ABR: variants seen among roughly 807,000 people sequenced by gnomAD.
ABR encodes ABR activator of RhoGEF and GTPase, also known as active breakpoint cluster region-related protein.
A neutral mutation model predicts 107.2 loss-of-function variants in ABR; 35 were observed. That is an observed-to-expected ratio of 0.33 (90% CI 0.25 to 0.43). ABR has a LOEUF of 0.43. ABR is among the 20% of genes least tolerant of loss of function. The pLI is 1.00. For missense variants in ABR, 815 were observed against 1,115.2 expected, an observed-to-expected ratio of 0.73 and a Z score of 3.83; for synonymous variants, 498 against 462.0, an observed-to-expected ratio of 1.08 and a Z score of -1.00.
chr17:1,220,996 C>T (rs1598150161), intron 1 of ABR, among the ~76,000 whole-genome samples: 1 of 152,042 alleles, frequency 6.6e-6, no homozygotes, highest in African/African-American at 2.4e-5. Flanking sequence ...GCCGTGGCTC[C>T]GTTGTTATTT....
At chr17:1,208,272 G>A (rs994152969) in intron 1 of ABR, among the ~76,000 whole-genome samples, 3 of 152,152 alleles carry the variant, frequency 2.0e-5, no homozygotes, top group East Asian at 1.9e-4. Flanking sequence ...ACACACAGGA[G>A]GCAGCTCTGC....
At chr17:1,029,792 CTCCG>C (rs2072559389) in intron 16 of ABR, among the ~76,000 whole-genome samples, 1 of 92,952 alleles carries the variant, frequency 1.1e-5, no homozygotes, top group Admixed American at 1.5e-4. Flanking sequence ...GCAGACGTCC[CTCCG>C]TCCACCACAG....
At chr17:1,126,922 T>G (rs2039628774) in intron 1 of ABR, among the ~76,000 whole-genome samples, 1 of 152,202 alleles carries the variant, frequency 6.6e-6, no homozygotes. Flanking sequence ...GTCTGAGGCT[T>G]CAGCCAAGTC....
chr17:1,086,698 G>A (rs966955632), intron 4 of ABR, among the ~76,000 whole-genome samples: 5 of 152,070 alleles, frequency 3.3e-5, no homozygotes, highest in Non-Finnish European at 5.9e-5. Flanking sequence ...ACAGGGTTTC[G>A]TCATATTGGT....
In ABR at chr17:1,051,390, C is replaced by T. The variant is rs529960313; in HGVS notation, c.1562-756G>A. 6.6e-6 allele frequency among the ~76,000 whole-genome samples: 1 copy of T among 152,146 alleles called. No homozygotes were observed. The highest frequency in any genetic ancestry group is 2.4e-5 in the African/African-American group (1 of 41,442). Reference sequence around the variant, plus strand: ...ACGGTGAACGAGGCTCCCACCACCACCAAGCGCTCCAGGTAACAAGGCAGT... The same window carrying T: ...ACGGTGAACGAGGCTCCCACCACCATCAAGCGCTCCAGGTAACAAGGCAGT... On this transcript the variant is annotated intron_variant, in intron 14 of 22. Coordinates refer to ENST00000302538, the MANE Select transcript of ABR (RefSeq NM_021962.5). This position sits in a 1 kb window ranked among gnomAD's most constrained non-coding sequence, Gnocchi z 4.3.
chr17:1,226,804 GGT>G (rs1226258148), intron 1 of ABR, among the ~76,000 whole-genome samples: 4 of 150,124 alleles, frequency 2.7e-5, no homozygotes, highest in Non-Finnish European at 4.4e-5. Context: ...TACGTGTGCA[GGT>G]GTGTGTGTAT....
chr17:1,035,751 T>C (rs781585260), intron 16 of ABR, among the ~76,000 whole-genome samples: 1 of 144,236 alleles, frequency 6.9e-6, no homozygotes, highest in Non-Finnish European at 1.5e-5. Context: ...TTAAAAACAT[T>C]CCTAGTGGAC....
intron 16 of ABR, among the ~76,000 whole-genome samples, chr17:1,033,026 G>A (rs2072928698): frequency 6.6e-6 from 1 of 152,204 alleles, no homozygotes; most frequent in Admixed American, 6.5e-5. Flanking sequence ...TCTTGCCAGG[G>A]TTACACAGTG....
intron 10 of ABR, among the ~76,000 whole-genome samples, chr17:1,065,821 A>T (rs916644446): frequency 6.7e-6 from 1 of 149,794 alleles, no homozygotes; most frequent in African/African-American, 2.5e-5. Flanking sequence ...TCTCAGCTCA[A>T]TGCAACCTCT....
intron 1 of ABR, among the ~76,000 whole-genome samples, chr17:1,152,808 C>A (rs1236592188): frequency 6.6e-6 from 1 of 151,208 alleles, no homozygotes; most frequent in African/African-American, 2.4e-5. Context: ...AAAATTCTGA[C>A]ACAGGCCGGG....
intron 2 of ABR, among the ~76,000 whole-genome samples, chr17:1,102,719 T>C (rs2037980262): frequency 6.6e-6 from 1 of 152,170 alleles, no homozygotes; most frequent in Admixed American, 6.5e-5. Context: ...ATTTATGTAT[T>C]TACTTATTGA....
intron 2 of ABR, among the ~76,000 whole-genome samples, chr17:1,103,203 G>C (rs115998521): frequency 2.0e-5 from 3 of 152,024 alleles, no homozygotes; most frequent in Non-Finnish European, 4.4e-5. Flanking sequence ...TCAATTCACC[G>C]GAGTCTCAAA....
rs1001460248 is a variant in ABR at position 1,071,362 on chromosome 17, C to G, written c.894+1252G>C. 2.6e-5 allele frequency among the ~76,000 whole-genome samples: 4 copies of G among 152,114 alleles called. No individual in the cohort carries two copies. The highest frequency in any genetic ancestry group is 9.7e-5 in the African/African-American group (4 of 41,426). ...TTCTCCCCAGGAGACCCTGGGGGCTCGTAAACAGACCACAGGAGCAGACAC... is the reference window on the plus strand; with the variant it reads ...TTCTCCCCAGGAGACCCTGGGGGCTGGTAAACAGACCACAGGAGCAGACAC... On this transcript the variant is annotated intron_variant, in intron 8 of 22. Coordinates refer to ENST00000302538, the MANE Select transcript of ABR (RefSeq NM_021962.5). The surrounding 1 kb of genome is among the most constrained non-coding windows in gnomAD (Gnocchi z 5.1).
Position 1,204,579 on chromosome 17 carries a change from C to T in ABR, c.838+24214G>A, listed in dbSNP as rs61278843. 2.4e-3 allele frequency among the ~76,000 whole-genome samples: 363 copies of T among 152,298 alleles called. 2 individuals carry two copies. The East Asian group carries it at 0.038, about 16-fold the overall frequency. Reference sequence around the variant, plus strand: ...TGTATTTTTTCCTGTACCTTTTGTACGCTTAGACGTGTTCAGATACACAAA... The same window carrying T: ...TGTATTTTTTCCTGTACCTTTTGTATGCTTAGACGTGTTCAGATACACAAA... On this transcript the variant is annotated intron_variant, in intron 1 of 22. Coordinates refer to the ABR transcript ENST00000574139.
chr17:1,081,643 C>A (rs1342249459), intron 5 of ABR, among the ~76,000 whole-genome samples: 1 of 152,142 alleles, frequency 6.6e-6, no homozygotes, highest in Non-Finnish European at 1.5e-5. Flanking sequence ...GTGGCGTGAT[C>A]GCAGCTCACT....
chr17:1,070,096 G>A lies in ABR; in HGVS notation c.895-6C>T, dbSNP rs781641434. 3.1e-6 allele frequency: 5 copies of A among 1,613,578 alleles called. No homozygotes were observed. Among genetic ancestry groups the A allele is most frequent in the South Asian group, 2.2e-5 (2 of 91,048 alleles). ...TCCTTCACCAGCTGTCGCGTCTGAG[G>A]GAGATGGCAGACCCCCCAGCCTGCT... On this transcript the variant is annotated splice_polypyrimidine_tract_variant and splice_region_variant and intron_variant, in intron 8 of 22. Coordinates refer to ENST00000302538, the MANE Select transcript of ABR (RefSeq NM_021962.5). This position sits in a 1 kb window ranked among gnomAD's most constrained non-coding sequence, Gnocchi z 4.2.
At chr17:1,112,521 CAA>C (rs1567778508) in intron 2 of ABR, among the ~76,000 whole-genome samples, 1 of 147,444 alleles carries the variant, frequency 6.8e-6, no homozygotes, top group African/African-American at 2.5e-5. Context: ...CGTTTGAGCT[CAA>C]GAGTTGGAGG....
chr17:1,107,466 A>G (rs1055581388), intron 2 of ABR, among the ~76,000 whole-genome samples: 15 of 152,238 alleles, frequency 9.9e-5, no homozygotes, highest in Admixed American at 5.2e-4. Context: ...TAGAGTTCTG[A>G]GCATCTGAGC....
At chr17:1,103,789 G>A (rs779841595) in intron 2 of ABR, among the ~76,000 whole-genome samples, 1 of 152,164 alleles carries the variant, frequency 6.6e-6, no homozygotes, top group Non-Finnish European at 1.5e-5. Context: ...GTTGGAGAGC[G>A]TACGGATGGG....
Sources: allele counts gnomAD v4.1 joint callset (sites outside exome capture counted in the v4.1 genomes callset), GRCh38; gene constraint gnomAD v4.1.1; non-coding constraint Gnocchi (gnomAD v3.1); transcripts MANE v1.5; gene names NCBI Gene and HGNC (gene_info 2026-07-23, HGNC 2026-07-21).